Variants in SLC9D1 observed in about 807,000 individuals in gnomAD.
The protein encoded by SLC9D1 is solute carrier family 9 member D1, also known as putative LAG1-interacting protein.
the SLC9D1 span, among the ~76,000 whole-genome samples, chr13:113,491,970 A>G: frequency 6.6e-6 from 1 of 152,180 alleles, no homozygotes; most frequent in African/African-American, 2.4e-5. Context: ...AAATATTTGT[A>G]GTTTTTTTCT....
the SLC9D1 span, chr13:113,527,941 C>G: frequency 6.6e-6 from 1 of 152,316 alleles, no homozygotes; most frequent in African/African-American, 2.4e-5. Flanking sequence ...GCCACTTAGC[C>G]CATCCCCAGA....
chr13:113,526,345 T>A, the SLC9D1 span, among the ~76,000 whole-genome samples: 1 of 152,214 alleles, frequency 6.6e-6, no homozygotes, highest in Admixed American at 6.5e-5. Context: ...AAAAAGTTTT[T>A]AAAAACCTTA....
the SLC9D1 span, chr13:113,548,317 G>A: frequency 3.7e-6 from 6 of 1,614,008 alleles, no homozygotes; most frequent in African/African-American, 1.3e-5. Context: ...TCCTGGCGGC[G>A]CTGGTCCTGT....
chr13:113,549,283 C>G, the SLC9D1 span: 4 of 933,438 alleles, frequency 4.3e-6, no homozygotes, highest in Non-Finnish European at 6.4e-6. Context: ...TCCCTCCCAG[C>G]ACTCAGCGTG....
At chr13:113,500,027 A>G in the SLC9D1 span, 55 of 1,594,056 alleles carry the variant, frequency 3.5e-5, no homozygotes, top group Non-Finnish European at 4.4e-5. Context: ...GCAAAATATA[A>G]CAAAACGAGA....
chr13:113,535,528 G>A, the SLC9D1 span, among the ~76,000 whole-genome samples: 2 of 152,168 alleles, frequency 1.3e-5, no homozygotes, highest in Non-Finnish European at 2.9e-5. The surrounding 1 kb of genome is among the most constrained non-coding windows in gnomAD (Gnocchi z 4.1). Flanking sequence ...AGCTTTATTC[G>A]TATTAGCCAT....
the SLC9D1 span, among the ~76,000 whole-genome samples, chr13:113,513,800 T>A: frequency 6.6e-6 from 1 of 152,176 alleles, no homozygotes; most frequent in Admixed American, 6.5e-5. Context: ...GCAGGAGTTT[T>A]CATGAAACTG....
At chr13:113,524,161 T>C in the SLC9D1 span, 2 of 456,678 alleles carry the variant, frequency 4.4e-6, no homozygotes, top group Admixed American at 4.7e-5. Flanking sequence ...TTGCTGTAGT[T>C]GTATCAGTTG....
At chr13:113,533,789 A>ATTT in the SLC9D1 span, among the ~76,000 whole-genome samples, 1 of 152,184 alleles carries the variant, frequency 6.6e-6, no homozygotes, top group African/African-American at 2.4e-5. Context: ...TCAGTCGAGA[A>ATTT]TTTTCACATT....
chr13:113,537,478 C>T, the SLC9D1 span, among the ~76,000 whole-genome samples: 135 of 152,354 alleles, frequency 8.9e-4, no homozygotes, highest in Middle Eastern at 3.4e-3. Context: ...GCACTTCGCC[C>T]CTTTTTATGG....
chr13:113,521,998 A>C, the SLC9D1 span, among the ~76,000 whole-genome samples: 1 of 152,346 alleles, frequency 6.6e-6, no homozygotes, highest in East Asian at 1.9e-4. Flanking sequence ...TTTTGGAACC[A>C]GATTGAGGTT....
At chr13:113,534,285 C>T in the SLC9D1 span, 13 of 1,428,166 alleles carry the variant, frequency 9.1e-6, no homozygotes, top group Non-Finnish European at 1.3e-5. Context: ...GATACATAAT[C>T]TCTTTCACTG....
the SLC9D1 span, among the ~76,000 whole-genome samples, chr13:113,507,955 T>C: frequency 6.6e-6 from 1 of 152,180 alleles, no homozygotes; most frequent in African/African-American, 2.4e-5. Flanking sequence ...CAGGCAGCCA[T>C]CTGGGGGGCT....
the SLC9D1 span, among the ~76,000 whole-genome samples, chr13:113,495,149 C>A: frequency 6.6e-6 from 1 of 152,176 alleles, no homozygotes. Flanking sequence ...GCCACCATGC[C>A]CAACCAACAT....
chr13:113,507,880 G>T, the SLC9D1 span, among the ~76,000 whole-genome samples: 1 of 152,278 alleles, frequency 6.6e-6, no homozygotes, highest in Non-Finnish European at 1.5e-5. Context: ...GATTTCAGGA[G>T]AATGTGTCTT....
At chr13:113,549,671 C>A in the SLC9D1 span, 2 of 1,016,016 alleles carry the variant, frequency 2.0e-6, no homozygotes, top group Non-Finnish European at 3.1e-6. Context: ...TCAGTGCAGT[C>A]GTGTTATCCC....
the SLC9D1 span, among the ~76,000 whole-genome samples, chr13:113,510,660 T>C: frequency 6.6e-6 from 1 of 152,110 alleles, no homozygotes; most frequent in African/African-American, 2.4e-5. Context: ...CCCGTGAGGA[T>C]TGATTGAGGG....
chr13:113,496,098 C>G, the SLC9D1 span: 1 of 1,061,598 alleles, frequency 9.4e-7, no homozygotes, highest in Non-Finnish European at 1.4e-6. Context: ...GAGTGCGTGC[C>G]CACATCCTCA....
chr13:113,505,398 T>C, the SLC9D1 span: 1 of 152,138 alleles, frequency 6.6e-6, no homozygotes, highest in African/African-American at 2.4e-5. Context: ...CCACAAAAGG[T>C]TTCACCTCCT....
Sources: gnomAD v4.1 joint callset for allele counts (sites outside exome capture counted in the v4.1 genomes callset) on GRCh38, gnomAD v4.1.1 for gene constraint, Gnocchi (gnomAD v3.1) non-coding constraint, MANE v1.5 for transcripts, NCBI Gene and HGNC (gene_info 2026-07-23, HGNC 2026-07-21) for gene names.